BTBD9: variants seen among roughly 807,000 people sequenced by gnomAD.
The protein encoded by BTBD9 is BTB domain containing 9.
Under a neutral mutation model 64.3 loss-of-function variants are expected in BTBD9, and 49 were observed. The observed-to-expected ratio is 0.76, with a 90% CI of 0.61 to 0.97. The LOEUF (loss-of-function observed/expected upper bound fraction) is 0.97, where lower values mean the gene tolerates loss of function less well. Among genes scored for constraint, BTBD9 ranks in the 50% least tolerant of loss-of-function variants. BTBD9 has a pLI of 0.00. For missense variants in BTBD9, 598 were observed against 762.1 expected, an observed-to-expected ratio of 0.78 and a Z score of 2.53; for synonymous variants, 260 against 274.7, an observed-to-expected ratio of 0.95 and a Z score of 0.53.
At chr6:38,180,193 T>C (rs1561838204) in intron 10 of BTBD9, among the ~76,000 whole-genome samples, 3 of 152,184 alleles carry the variant, frequency 2.0e-5, no homozygotes, top group Non-Finnish European at 2.9e-5. Context: ...GCAATGCAAA[T>C]GGGCATTCGG....
intron 6 of BTBD9, among the ~76,000 whole-genome samples, chr6:38,556,991 G>A (rs1198227064): frequency 1.8e-5 from 2 of 108,832 alleles, no homozygotes; most frequent in African/African-American, 7.2e-5. Context: ...CCAGCTTGGG[G>A]AACAGAGCGA....
At chr6:38,311,479 A>G (rs1762832266) in intron 7 of BTBD9, among the ~76,000 whole-genome samples, 2 of 152,168 alleles carry the variant, frequency 1.3e-5, no homozygotes, top group South Asian at 2.1e-4. Context: ...CCATTCATCT[A>G]TTGATGGAGA....
chr6:38,412,386 C>T (rs1277343543), intron 6 of BTBD9, among the ~76,000 whole-genome samples: 2 of 152,022 alleles, frequency 1.3e-5, no homozygotes, highest in African/African-American at 2.4e-5. Context: ...ATGAAAAGCT[C>T]TCACCAACTA....
intron 8 of BTBD9, among the ~76,000 whole-genome samples, chr6:38,273,835 G>A (rs1765276982): frequency 6.6e-6 from 1 of 152,250 alleles, no homozygotes; most frequent in South Asian, 2.1e-4. Flanking sequence ...AAGGAGAAGA[G>A]TCAGGAGAGA....
At chr6:38,501,447 C>A (rs1200763211) in intron 6 of BTBD9, among the ~76,000 whole-genome samples, 1 of 152,230 alleles carries the variant, frequency 6.6e-6, no homozygotes, top group Non-Finnish European at 1.5e-5. Flanking sequence ...TCAGTGCTTT[C>A]CACTTGGGCA....
chr6:38,180,339 G>C (rs1761494074), intron 10 of BTBD9, among the ~76,000 whole-genome samples: 1 of 152,218 alleles, frequency 6.6e-6, no homozygotes, highest in Admixed American at 6.5e-5. Flanking sequence ...CCTTGGAGAG[G>C]AGTGTGAGGG....
chr6:38,501,898 C>CTGTTGTAAACCCATTTATT (rs1772218798), intron 6 of BTBD9, among the ~76,000 whole-genome samples: 2 of 152,244 alleles, frequency 1.3e-5, no homozygotes, highest in South Asian at 4.1e-4. Flanking sequence ...AATGGGTTTA[C>CTGTTGTAAACCCATTTATT]TGTTGTATTT....
chr6:38,201,498 G>A (rs1762462174), intron 9 of BTBD9, among the ~76,000 whole-genome samples: 1 of 152,146 alleles, frequency 6.6e-6, no homozygotes, highest in South Asian at 2.1e-4. Flanking sequence ...ACTGAATGGG[G>A]AAAAGTTGAA....
At chr6:38,576,672 A>G (rs1776050720) in intron 6 of BTBD9, among the ~76,000 whole-genome samples, 1 of 152,162 alleles carries the variant, frequency 6.6e-6, no homozygotes, top group East Asian at 1.9e-4. Flanking sequence ...CCAGCTCCAC[A>G]TTCTCCATGG....
At chr6:38,303,874 T>TACACACAC (rs1554137166) in intron 7 of BTBD9, among the ~76,000 whole-genome samples, 1 of 82,650 alleles carries the variant, frequency 1.2e-5, no homozygotes, top group African/African-American at 4.8e-5. Flanking sequence ...TATATATATA[T>TACACACAC]ACACACACAC....
At chr6:38,564,653 C>G (rs569279231) in intron 6 of BTBD9, among the ~76,000 whole-genome samples, 1 of 152,174 alleles carries the variant, frequency 6.6e-6, no homozygotes, top group South Asian at 2.1e-4. Flanking sequence ...CTTTGGGAGG[C>G]CAAGGTGGGC....
chr6:38,251,499 A>T (rs1388968882), intron 9 of BTBD9, among the ~76,000 whole-genome samples: 1 of 152,066 alleles, frequency 6.6e-6, no homozygotes, highest in Non-Finnish European at 1.5e-5. Flanking sequence ...TCCTGACCTC[A>T]GGTGATCCAC....
intron 6 of BTBD9, among the ~76,000 whole-genome samples, chr6:38,370,274 G>A (rs925867384): frequency 1.3e-5 from 2 of 152,148 alleles, no homozygotes; most frequent in African/African-American, 4.8e-5. Flanking sequence ...TTGTGTAAAT[G>A]GTAGGGCAAT....
intron 6 of BTBD9, among the ~76,000 whole-genome samples, chr6:38,520,872 A>G (rs1307729398): frequency 6.6e-6 from 1 of 152,162 alleles, no homozygotes; most frequent in African/African-American, 2.4e-5. Flanking sequence ...GCTTGAGCTC[A>G]GTAGAAAGAG....
At chr6:38,469,986 A>G (rs1770573936) in intron 6 of BTBD9, among the ~76,000 whole-genome samples, 1 of 152,246 alleles carries the variant, frequency 6.6e-6, no homozygotes, top group Non-Finnish European at 1.5e-5. Context: ...ACTGTAAAAT[A>G]CTTCCTCAGA....
intron 9 of BTBD9, among the ~76,000 whole-genome samples, chr6:38,240,284 C>T (rs1483736287): frequency 1.3e-5 from 2 of 152,196 alleles, no homozygotes; most frequent in Non-Finnish European, 2.9e-5. Flanking sequence ...TCCACAAATG[C>T]CTCTATTTGC....
rs577151605 is a variant in BTBD9 at position 38,357,802 on chromosome 6, T to C, written c.1155-12709A>G. 2.0e-5 allele frequency among the ~76,000 whole-genome samples: 3 copies of C among 152,334 alleles called. No individual in the cohort carries two copies. In the South Asian group the frequency reaches 6.2e-4, roughly 32 times the overall value. On this transcript the variant is annotated intron_variant, in intron 6 of 10. Coordinates refer to ENST00000481247, the MANE Select transcript of BTBD9 (RefSeq NM_001099272.2). ...CTCTTTATTCCTTCTTGTCTTAAAA[T>C]AAAATTTCACCTTGTTGCTGCTCCT...
intron 6 of BTBD9, among the ~76,000 whole-genome samples, chr6:38,554,606 T>C (rs543205041): frequency 4.6e-5 from 7 of 152,350 alleles, no homozygotes; most frequent in African/African-American, 1.7e-4. Flanking sequence ...GCATACTGTT[T>C]GGAAGTTACC....
At chr6:38,434,630 T>G (rs1184687730) in intron 6 of BTBD9, among the ~76,000 whole-genome samples, 1 of 152,002 alleles carries the variant, frequency 6.6e-6, no homozygotes, top group East Asian at 1.9e-4. Context: ...TCACTCATAT[T>G]TGGCTCAGAA....
Sources: allele counts gnomAD v4.1 joint callset (sites outside exome capture counted in the v4.1 genomes callset), GRCh38; gene constraint gnomAD v4.1.1; transcripts MANE v1.5; gene names NCBI Gene and HGNC (gene_info 2026-07-23, HGNC 2026-07-21).